Variants in RCC1 observed in about 807,000 individuals in gnomAD.
RCC1 encodes the protein regulator of chromosome condensation 1, also known as regulator of chromosome condensation.
RCC1 carries 11 observed loss-of-function variants against 44.4 expected under a neutral mutation model. That is an observed-to-expected ratio of 0.25 (90% CI 0.16 to 0.41). RCC1 has a LOEUF of 0.41. Among genes scored for constraint, RCC1 ranks in the 10% least tolerant of loss-of-function variants. The probability of loss-of-function intolerance (pLI) is 1.00; values close to 1 mark genes in which losing one functional copy is unlikely to be tolerated. For synonymous variants in RCC1, 213 were observed against 216.5 expected (o/e 0.98, Z 0.14); for missense variants, 386 against 547.1 (o/e 0.71, Z 2.94).
chr1:28,513,944 T>C (rs1662710681), intron 3 of RCC1, among the ~76,000 whole-genome samples: 1 of 151,964 alleles, frequency 6.6e-6, no homozygotes, highest in South Asian at 2.1e-4. Context: ...CCAGTTCACT[T>C]GTAGTATAAG....
rs746508992 is a variant in RCC1, at chr1:28,526,658, G to C, written c.-9-3200G>C. 6.2e-6 allele frequency: 3 copies of C among 481,806 alleles called. No homozygotes were observed. The South Asian group carries it at 8.1e-5, about 13-fold the overall frequency. The allele number at this position is 481,806 out of a possible 1,614,324, so 29.8% of individuals were successfully genotyped here. ...CACCTGTAATCCCAGCACTTTGGGA[G>C]GCTGAGGTGGGTGGATCACCTGAGT... On this transcript the variant is annotated intron_variant, in intron 4 of 12. Coordinates refer to ENST00000683442, the MANE Select transcript of RCC1 (RefSeq NM_001381865.2).
At chr1:28,515,324 T>A (rs1212725881) in intron 3 of RCC1, among the ~76,000 whole-genome samples, 1 of 151,052 alleles carries the variant, frequency 6.6e-6, no homozygotes, top group Non-Finnish European at 1.5e-5. Flanking sequence ...GTGGTGCACA[T>A]CTGTGGTCCC....
rs192234323 is a variant in RCC1 at position 28,515,092 on chromosome 1, A to G, written c.-152-1633A>G. Among the ~76,000 whole-genome samples the G allele has an allele frequency of 2.4e-3, 367 of 152,336 alleles. 3 individuals are homozygous for G. The highest frequency in any genetic ancestry group is 6.1e-3 in the African/African-American group (252 of 41,586). On this transcript the variant is annotated intron_variant, in intron 3 of 12. Transcript: ENST00000683442. ...CAGAAGTTCAAGACCAGCCTGGCCA[A>G]CATAGTGAAACCCTGTCTCTACCAA...
chr1:28,518,631 G>GCCGGGTGCGCGCGGCCGC (rs1553212531), intron 4 of RCC1: 1 of 151,236 alleles, frequency 6.6e-6, no homozygotes, highest in Non-Finnish European at 1.5e-5. Flanking sequence ...AGCGCGGCGG[G>GCCGGGTGCGCGCGGCCGC]CCGGGTGCGC....
At chr1:28,520,409 A>G (rs1320421003) in intron 4 of RCC1, among the ~76,000 whole-genome samples, 1 of 152,156 alleles carries the variant, frequency 6.6e-6, no homozygotes, top group Non-Finnish European at 1.5e-5. Flanking sequence ...TGGCGTGCCT[A>G]CCCACTTTCT....
intron 4 of RCC1, among the ~76,000 whole-genome samples, chr1:28,520,053 AGG>A (rs1481726351): frequency 6.6e-6 from 1 of 152,124 alleles, no homozygotes; most frequent in Non-Finnish European, 1.5e-5. Context: ...CCCTTCCCCC[AGG>A]AAAAATGAAC....
chr1:28,515,269 A>C (rs761113098), intron 3 of RCC1, among the ~76,000 whole-genome samples: 6 of 152,038 alleles, frequency 3.9e-5, no homozygotes, highest in Non-Finnish European at 7.4e-5. Flanking sequence ...CAGCCTAGGC[A>C]ACAGAGTGAG....
chr1:28,531,261 TTTTC>T lies in RCC1; in HGVS notation c.74-538_74-535del, dbSNP rs1180559348. Among the ~76,000 whole-genome samples, 16 of 145,640 alleles carry T rather than the reference TTTTC, an allele frequency of 1.1e-4. 1 individual carries two copies. Among genetic ancestry groups the T allele is most frequent in the African/African-American group, 3.4e-4 (13 of 37,980 alleles). On this transcript the variant is annotated intron_variant, in intron 5 of 12. Coordinates refer to ENST00000683442, the MANE Select transcript of RCC1 (RefSeq NM_001381865.2). ...ATAACAATAATTAGCTTTCTTTTCT[TTTTC>T]TTTTTTTTTTTTTTTTTGAGATCAA...
intron 3 of RCC1, among the ~76,000 whole-genome samples, chr1:28,514,197 TC>T (rs1662731712): frequency 6.6e-6 from 1 of 151,190 alleles, no homozygotes; most frequent in Non-Finnish European, 1.5e-5. Flanking sequence ...ACGCCTGTTA[TC>T]CCAGCATTTT....
chr1:28,524,138 C>A (rs545125612), intron 4 of RCC1, among the ~76,000 whole-genome samples: 7 of 152,324 alleles, frequency 4.6e-5, no homozygotes, highest in Non-Finnish European at 8.8e-5. Flanking sequence ...TTATATCCCA[C>A]ATCCCTACCC....
rs1458745964 is a variant in RCC1, at chr1:28,507,271, A to G, written c.-261-857A>G. 3 of 483,582 alleles carry G rather than the reference A, an allele frequency of 6.2e-6. No homozygotes were observed. In the Admixed American group the frequency reaches 6.2e-5, roughly 10 times the overall value. The allele number at this position is 483,582 out of a possible 1,614,324, so 30.0% of individuals were successfully genotyped here. ...AACACCCCACTGTGGACAGGGTGGA[A>G]ACTCGTTTGCTTTCTTGTTTAAGAT... On this transcript the variant is annotated intron_variant, in intron 1 of 12. Coordinates refer to ENST00000683442, the MANE Select transcript of RCC1 (RefSeq NM_001381865.2).
Position 28,529,927 on chromosome 1 carries a change from A to G in RCC1, c.61A>G (p.Lys21Glu). The G allele has an allele frequency of 6.2e-7, 1 of 1,613,928 alleles. No individual in the cohort carries two copies. Among genetic ancestry groups the G allele is most frequent in the Non-Finnish European group, 8.5e-7 (1 of 1,179,922 alleles). Residue 21 changes from lysine to glutamate, a missense_variant, in exon 5 of 13, where the codon AAG becomes GAG. Physicochemically the swap from Lys to Glu is moderately conservative, Grantham distance 56. Transcript: ENST00000683442. The part of the protein sequence containing the change: ...SPPADAIPKS[K>E]KVKVSHRSHS... ...CCCAGCAGATGCCATCCCCAAAAGC[A>G]AGAAGGTGAAGGGTAAGTTGGCCTT...
rs1330670634 is a variant in RCC1 at position 28,508,175 on chromosome 1, T to C, written c.-229+15T>C. The C allele has an allele frequency of 2.3e-6, 1 of 442,738 alleles. No individual in the cohort carries two copies. The highest frequency in any genetic ancestry group is 4.6e-6 in the Non-Finnish European group (1 of 217,254). The allele number at this position is 442,738 out of a possible 1,614,324, so 27.4% of individuals were successfully genotyped here. ...ACTCTTATTTGGTGAGTAAATCTGC[T>C]AATTGTTTTTTGCTTATCAGCTCTT... On this transcript the variant is annotated intron_variant, in intron 2 of 12. Coordinates refer to ENST00000683442, the MANE Select transcript of RCC1 (RefSeq NM_001381865.2).
intron 7 of RCC1, among the ~76,000 whole-genome samples, chr1:28,533,046 C>A (rs532450190): frequency 6.6e-6 from 1 of 152,094 alleles, no homozygotes; most frequent in Non-Finnish European, 1.5e-5. Flanking sequence ...ACTCCCGACC[C>A]CAGGTGATCC....
intron 3 of RCC1, chr1:28,510,939 G>C (rs1289005056): frequency 2.6e-5 from 4 of 152,164 alleles, no homozygotes; most frequent in Non-Finnish European, 5.9e-5. Flanking sequence ...GGTGGGTTTG[G>C]GTAACTGCAG....
In RCC1 at chr1:28,508,830, G is replaced by A. The variant is rs1346498588; in HGVS notation, c.-228G>A. On this transcript the variant is annotated splice_region_variant and 5_prime_UTR_variant, in exon 3 of 13. Transcript: ENST00000683442. ...CTAATCATTATTTCTTTTCTTTTAG[G>A]AGAGAAGACGATCTGCACTTCGCAT... 1 of 517,352 alleles carries A rather than the reference G, an allele frequency of 1.9e-6. No homozygotes were observed. The highest frequency in any genetic ancestry group is 3.9e-6 in the Non-Finnish European group (1 of 259,140). 32.0% of individuals were successfully genotyped at this position (517,352 alleles called of 1,614,324 possible). A position where few individuals can be genotyped will look rare whatever the true frequency, so the allele number is the denominator to read the frequency against.
At chr1:28,537,608 G>A (rs10799123) in intron 12 of RCC1, among the ~76,000 whole-genome samples, 40,480 of 152,068 alleles carry the variant, frequency 0.27, 5,504 homozygotes, top group Middle Eastern at 0.35. Flanking sequence ...CCTAGGAGCA[G>A]CCTTTGGCAG....
intron 1 of RCC1, chr1:28,506,551 G>A (rs1384598906): frequency 8.7e-6 from 2 of 230,460 alleles, no homozygotes; most frequent in Non-Finnish European, 1.8e-5. Flanking sequence ...TCTAAAGTAC[G>A]CGTTAGACGG....
rs41270833 is a variant in RCC1 at position 28,506,043 on chromosome 1, C to G, written c.-303C>G. On this transcript the variant is annotated 5_prime_UTR_variant, in exon 1 of 13. Transcript: ENST00000683442. ...AAAGGATGCTTCGCGTTTTCTCTCT[C>G]CTTTTTGGAGACAGATTCGCAGTGG... is the stretch of plus-strand genomic sequence containing the variant. The G allele has an allele frequency of 8.8e-6, 4 of 456,016 alleles. No homozygotes were observed. The highest frequency in any genetic ancestry group is 2.3e-5 in the Admixed American group (1 of 42,556). The allele number at this position is 456,016 out of a possible 1,614,324, so 28.2% of individuals were successfully genotyped here. A position where few individuals can be genotyped will look rare whatever the true frequency, so the allele number is the denominator to read the frequency against.
Sources: allele counts gnomAD v4.1 joint callset (sites outside exome capture counted in the v4.1 genomes callset), GRCh38; gene constraint gnomAD v4.1.1; transcripts MANE v1.5; gene names NCBI Gene and HGNC (gene_info 2026-07-23, HGNC 2026-07-21).